Variants in NDEL1 observed in about 807,000 individuals in gnomAD.
The protein encoded by NDEL1 is nuclear distribution protein nudE-like 1.
Under a neutral mutation model 45.7 loss-of-function variants are expected in NDEL1, and 9 were observed. The observed-to-expected ratio is 0.20, with a 90% CI of 0.12 to 0.34. The LOEUF is 0.34. Ranked by LOEUF, NDEL1 falls within the 10% of genes least tolerant of loss-of-function variation. The pLI, the probability that NDEL1 is intolerant of heterozygous loss-of-function variation, is 1.00. For missense variants in NDEL1, 306 were observed against 406.2 expected (o/e 0.75, Z 2.12); for synonymous variants, 133 against 158.6 (o/e 0.84, Z 1.21).
At chr17:8,428,284 A>G (rs998456086) in intron 1 of NDEL1, among the ~76,000 whole-genome samples, 32 of 150,896 alleles carry the variant, frequency 2.1e-4, no homozygotes, top group African/African-American at 7.3e-4. Context: ...TTTTCTCTCT[A>G]TATAAAACCA....
At chr17:8,427,864 T>C (rs1462296274) in intron 1 of NDEL1, among the ~76,000 whole-genome samples, 4 of 152,222 alleles carry the variant, frequency 2.6e-5, no homozygotes, top group Non-Finnish European at 5.9e-5. Context: ...ACAAGTGTTA[T>C]GATGAAAAAT....
chr17:8,470,058 G>A (rs1351544605), downstream of NDEL1, among the ~76,000 whole-genome samples: 11 of 151,698 alleles, frequency 7.3e-5, no homozygotes, highest in Admixed American at 7.2e-4. This position sits in a 1 kb window ranked among gnomAD's most constrained non-coding sequence, Gnocchi z 4.2. Context: ...ATGATCCCCC[G>A]TGAAGAAAGC....
chr17:8,422,423 C>T (rs1183092208), intron 1 of NDEL1, among the ~76,000 whole-genome samples: 2 of 151,434 alleles, frequency 1.3e-5, no homozygotes, highest in Admixed American at 1.3e-4. Context: ...ATTCTCCTGC[C>T]TCAGCCTCCC....
At chr17:8,446,077 T>G (rs1445540713) in intron 3 of NDEL1, 3 of 372,468 alleles carry the variant, frequency 8.1e-6, no homozygotes, top group African/African-American at 2.1e-5. Flanking sequence ...TAGTTGTCAC[T>G]TTTCTAGCTA....
At chr17:8,441,137 C>G (rs1293585655) in intron 1 of NDEL1, among the ~76,000 whole-genome samples, 3 of 152,068 alleles carry the variant, frequency 2.0e-5, no homozygotes, top group Non-Finnish European at 2.9e-5. Context: ...ATGATCTGAC[C>G]AGTGAATAAA....
chr17:8,416,239 A>G (rs564403995), intron 1 of NDEL1, among the ~76,000 whole-genome samples: 62 of 152,222 alleles, frequency 4.1e-4, no homozygotes, highest in African/African-American at 1.4e-3. Context: ...TTCCGTTTCT[A>G]TGAATTTCAC....
intron 1 of NDEL1, chr17:8,436,353 C>G (rs1909337628): frequency 6.4e-6 from 1 of 156,904 alleles, no homozygotes; most frequent in South Asian, 1.6e-4. Context: ...GGACGTGGCA[C>G]CGTGGGCTGG....
At chr17:8,415,142 TTCTG>T (rs1908515074) in intron 1 of NDEL1, among the ~76,000 whole-genome samples, 1 of 147,160 alleles carries the variant, frequency 6.8e-6, no homozygotes, top group Non-Finnish European at 1.5e-5. Context: ...TCTTCTCTCT[TTCTG>T]TCTCTCTGTC....
intron 1 of NDEL1, among the ~76,000 whole-genome samples, chr17:8,418,965 GA>G (rs962102311): frequency 1.8e-4 from 27 of 151,666 alleles, no homozygotes; most frequent in African/African-American, 6.1e-4. Flanking sequence ...CCTCCCACCA[GA>G]GCCTCCCAAG....
chr17:8,452,619 T>C (rs1272566954), intron 6 of NDEL1, among the ~76,000 whole-genome samples: 3 of 152,204 alleles, frequency 2.0e-5, no homozygotes, highest in Non-Finnish European at 4.4e-5. Flanking sequence ...AGCTGATCTT[T>C]CTGAAGTGGT....
intron 8 of NDEL1, chr17:8,463,491 C>A: frequency 1.4e-6 from 1 of 714,364 alleles, no homozygotes; most frequent in South Asian, 1.8e-5. Context: ...CATCAGTGAA[C>A]TTTCACGGTC....
intron 6 of NDEL1, 94 bp downstream of exon 6, chr17:8,451,047 T>A (rs1910474528): frequency 7.8e-7 from 1 of 1,285,518 alleles, no homozygotes; most frequent in Non-Finnish European, 1.0e-6. Flanking sequence ...TAAAGAGTAA[T>A]TTTAGTTTAA....
chr17:8,469,967 CA>C (rs1319170400), downstream of NDEL1, among the ~76,000 whole-genome samples: 4 of 151,742 alleles, frequency 2.6e-5, no homozygotes, highest in Non-Finnish European at 5.9e-5. Context: ...CTCGGCCTCC[CA>C]AAGTTCTGGG....
intron 1 of NDEL1, among the ~76,000 whole-genome samples, chr17:8,427,201 T>G (rs886314864): frequency 1.6e-4 from 24 of 152,072 alleles, no homozygotes; most frequent in African/African-American, 5.8e-4. Flanking sequence ...GGTTTGGGAG[T>G]CTGAGCTGCT....
At chr17:8,421,661 T>C (rs1908710749) in intron 1 of NDEL1, among the ~76,000 whole-genome samples, 1 of 152,232 alleles carries the variant, frequency 6.6e-6, no homozygotes, top group South Asian at 2.1e-4. Flanking sequence ...GCCACCAGGC[T>C]TGTGGTAATT....
chr17:8,425,660 C>T (rs1908813671), intron 1 of NDEL1, among the ~76,000 whole-genome samples: 1 of 151,876 alleles, frequency 6.6e-6, no homozygotes, highest in Admixed American at 6.6e-5. Context: ...GGCATTGGGG[C>T]CAGAGATAAA....
At chr17:8,454,606 A>G (rs1477978125) in intron 6 of NDEL1, among the ~76,000 whole-genome samples, 190 bp from the exon 7 acceptor site, 1 of 152,188 alleles carries the variant, frequency 6.6e-6, no homozygotes, top group Non-Finnish European at 1.5e-5. Context: ...ATGGCGAAAA[A>G]TTTGATATAA....
Position 8,467,120 on chromosome 17 carries a change from C to A in NDEL1, c.*97C>A. ...GCCTGGGCCCAGCCCCGTGCCCCTC[C>A]GTCTGCCTCCGCACGGCTGGCAGAG... On this transcript the variant is annotated 3_prime_UTR_variant, in exon 9 of 9. Coordinates refer to ENST00000334527, the MANE Select transcript of NDEL1 (RefSeq NM_030808.5). This position sits in a 1 kb window ranked among gnomAD's most constrained non-coding sequence, Gnocchi z 6.3. 3 of 1,207,088 alleles carry A rather than the reference C, an allele frequency of 2.5e-6. No individual in the cohort carries two copies. The highest frequency in any genetic ancestry group is 3.6e-6 in the Non-Finnish European group (3 of 835,856). 74.8% of individuals were successfully genotyped at this position (1,207,088 alleles called of 1,614,324 possible).
At chr17:8,422,694 T>C (rs1318016947) in intron 1 of NDEL1, among the ~76,000 whole-genome samples, 1 of 152,094 alleles carries the variant, frequency 6.6e-6, no homozygotes, top group African/African-American at 2.4e-5. Flanking sequence ...GGAAAATGTT[T>C]TCCATGTAAA....
Sources: gnomAD v4.1 joint callset for allele counts (sites outside exome capture counted in the v4.1 genomes callset) on GRCh38, gnomAD v4.1.1 for gene constraint, Gnocchi (gnomAD v3.1) non-coding constraint, MANE v1.5 for transcripts, NCBI Gene and HGNC (gene_info 2026-07-23, HGNC 2026-07-21) for gene names.